The following VPS13D variants were observed in gnomAD, a reference collection of about 807,000 sequenced individuals.
VPS13D encodes the protein intermembrane lipid transfer protein VPS13D.
A neutral mutation model predicts 461.9 loss-of-function variants in VPS13D; 187 were observed. That is an observed-to-expected ratio of 0.40 (90% CI 0.36 to 0.46). VPS13D has a LOEUF of 0.46. Among genes scored for constraint, VPS13D ranks in the 20% least tolerant of loss-of-function variants. VPS13D has a pLI of 0.60. For synonymous variants in VPS13D, 1,951 were observed against 1,986.3 expected (o/e 0.98, Z 0.47); for missense variants, 4,711 against 5,364.9 (o/e 0.88, Z 3.81).
chr1:12,255,191 C>T (rs1382531695), intron 7 of VPS13D, among the ~76,000 whole-genome samples: 3 of 152,200 alleles, frequency 2.0e-5, no homozygotes, highest in Non-Finnish European at 4.4e-5. Flanking sequence ...GGTGATACAC[C>T]TGCCTCGGCT....
At chr1:12,292,749 T>TG (rs1253318817) in intron 23 of VPS13D, among the ~76,000 whole-genome samples, 2 of 151,858 alleles carry the variant, frequency 1.3e-5, no homozygotes, top group African/African-American at 2.4e-5. Flanking sequence ...AGTGTGTGTG[T>TG]TTTTTTTAAA....
intron 63 of VPS13D, among the ~76,000 whole-genome samples, chr1:12,404,843 C>T (rs1482771420): frequency 6.6e-6 from 1 of 152,048 alleles, no homozygotes; most frequent in African/African-American, 2.4e-5. Flanking sequence ...AAAGTCTTTC[C>T]TTAGTTTGAG....
At chr1:12,248,731 A>G (rs772748957) in intron 5 of VPS13D, among the ~76,000 whole-genome samples, 3 of 152,208 alleles carry the variant, frequency 2.0e-5, no homozygotes, top group African/African-American at 4.8e-5. Flanking sequence ...ATATATACAT[A>G]CATAGTTTAT....
intron 68 of VPS13D, among the ~76,000 whole-genome samples, chr1:12,499,217 G>A (rs950061257): frequency 2.0e-5 from 3 of 152,080 alleles, no homozygotes; most frequent in African/African-American, 7.2e-5. Context: ...GTGAGGCTGG[G>A]ATTTTTGCCT....
intron 65 of VPS13D, among the ~76,000 whole-genome samples, chr1:12,420,747 A>G (rs1054226608): frequency 3.3e-5 from 5 of 152,200 alleles, no homozygotes; most frequent in African/African-American, 1.2e-4. Context: ...CCTTTAAATA[A>G]TCTTTTCCTC....
At chr1:12,259,362 C>T (rs897268679) in intron 10 of VPS13D, among the ~76,000 whole-genome samples, 5 of 150,940 alleles carry the variant, frequency 3.3e-5, no homozygotes, top group Non-Finnish European at 5.9e-5. Flanking sequence ...GTCATCCACG[C>T]TGGAGTGCAG....
Position 12,314,108 on chromosome 1 carries a change from CTT to C in VPS13D, c.6936-4_6936-3del. ...ACATCTTGCTTGCTTTCTTTTCTCT[CTT>C]TTAGATTTGACTTCAAGAAATGCAA... On this transcript the variant is annotated splice_polypyrimidine_tract_variant and splice_region_variant and intron_variant, in intron 29 of 69. Transcript: ENST00000620676. 1 of 1,612,844 alleles carries C rather than the reference CTT, an allele frequency of 6.2e-7. No homozygotes were observed. The highest frequency in any genetic ancestry group is 1.7e-5 in the Admixed American group (1 of 60,000).
chr1:12,286,723 T>C (rs1001309805), intron 21 of VPS13D, among the ~76,000 whole-genome samples: 3 of 152,230 alleles, frequency 2.0e-5, no homozygotes, highest in African/African-American at 7.2e-5. Context: ...CTGATCATCA[T>C]CTGTTAGTGA....
chr1:12,389,082 T>C (rs2101659863), intron 60 of VPS13D, among the ~76,000 whole-genome samples: 1 of 152,320 alleles, frequency 6.6e-6, no homozygotes, highest in East Asian at 1.9e-4. Context: ...GTCCCAAAAC[T>C]GAAGAACTTG....
intron 67 of VPS13D, among the ~76,000 whole-genome samples, chr1:12,468,554 G>A (rs1459564616): frequency 6.6e-6 from 1 of 152,196 alleles, no homozygotes; most frequent in Non-Finnish European, 1.5e-5. Flanking sequence ...TGGCTCGGAA[G>A]CACTGAGGGA....
chr1:12,270,584 T>C (rs1641408978), intron 16 of VPS13D, among the ~76,000 whole-genome samples: 1 of 152,232 alleles, frequency 6.6e-6, no homozygotes. Context: ...TAAGAAATTC[T>C]AGTAACTTAG....
intron 21 of VPS13D, among the ~76,000 whole-genome samples, chr1:12,287,035 GTT>G (rs1641994192): frequency 6.6e-6 from 1 of 152,058 alleles, no homozygotes; most frequent in African/African-American, 2.4e-5. Flanking sequence ...TAGTTTTTCT[GTT>G]TTTAGTAGAG....
intron 67 of VPS13D, among the ~76,000 whole-genome samples, chr1:12,478,001 G>C (rs999449443): frequency 1.3e-5 from 2 of 152,186 alleles, no homozygotes; most frequent in African/African-American, 4.8e-5. Context: ...CTCAGCAGCT[G>C]TTTTATGGAA....
In VPS13D at chr1:12,335,929, C is replaced by T. The variant is rs1352614027; in HGVS notation, c.8551+102C>T. ...GGAACCATCATTCTGCGTGGAAAAA[C>T]CTACAGGAAATTCTGACTATCTTCT... On this transcript the variant is annotated intron_variant, in intron 39 of 69. Transcript: ENST00000620676. The T allele has an allele frequency of 1.9e-6, 3 of 1,541,642 alleles. No homozygotes were observed. The South Asian group carries it at 3.6e-5, about 18-fold the overall frequency.
chr1:12,273,020 G>C lies in VPS13D; in HGVS notation c.2121G>C (p.Trp707Cys). Reference protein sequence around the residue: ...VGDFIEESKRWTVRLDISAPQ... With the variant: ...VGDFIEESKRCTVRLDISAPQ... The stretch of plus-strand genomic sequence containing the variant: ...TTGTACAGGAGGAGAGTAAACGATG[G>C]ACCGTGCGGCTGGATATTTCTGCCC... The change falls in exon 18 of 70, where the codon TGG becomes TGC. Residue 707 changes from tryptophan (W) to cysteine (C), a missense_variant. Physicochemically the swap from Trp to Cys is radical, Grantham distance 215 (BLOSUM62 -2). Around this residue, in one of 3 missense-constraint regions of VPS13D, gnomAD observed 4,411 missense variants for 4,937.8 expected, o/e 0.89. Coordinates refer to ENST00000620676, the MANE Select transcript of VPS13D (RefSeq NM_015378.4). The C allele has an allele frequency of 6.2e-7, 1 of 1,614,030 alleles. No individual in the cohort carries two copies. The highest frequency in any genetic ancestry group is 1.3e-5 in the African/African-American group (1 of 75,022).
rs1441544724 is a variant in VPS13D at position 12,278,006 on chromosome 1, A to G, written c.4418A>G (p.His1473Arg). ...NSQEEAHFTR[H>R]DFFESLHRGQ... ...CAGGAGGAAGCTCATTTCACACGAC[A>G]TGATTTCTTTGAATCTTTGCATAGA... The change falls in exon 19 of 70, where the codon CAT becomes CGT. Residue 1473 changes from histidine (H) to arginine (R), a missense_variant. Physicochemically the swap from His to Arg is conservative, Grantham distance 29 (BLOSUM62 0). Around this residue, in one of 3 missense-constraint regions of VPS13D, gnomAD observed 4,411 missense variants for 4,937.8 expected, o/e 0.89. Coordinates refer to ENST00000620676, the MANE Select transcript of VPS13D (RefSeq NM_015378.4). 2.5e-6 allele frequency: 4 copies of G among 1,613,934 alleles called. No individual in the cohort carries two copies. Among genetic ancestry groups the G allele is most frequent in the African/African-American group, 2.7e-5 (2 of 75,038 alleles).
At chr1:12,258,137 A>G in intron 10 of VPS13D, 34 bp downstream of exon 10, 1 of 1,607,136 alleles carries the variant, frequency 6.2e-7, no homozygotes, top group Non-Finnish European at 8.5e-7. Flanking sequence ...TTCTTGTCTT[A>G]TTCAGAAGAT....
chr1:12,441,323 C>T (rs984323423), intron 65 of VPS13D, among the ~76,000 whole-genome samples: 10 of 152,126 alleles, frequency 6.6e-5, no homozygotes, highest in African/African-American at 1.7e-4. Context: ...CTATTGCACT[C>T]GAACTGTGTT....
chr1:12,241,951 G>C (rs909792163), intron 2 of VPS13D, among the ~76,000 whole-genome samples: 8 of 152,040 alleles, frequency 5.3e-5, no homozygotes, highest in African/African-American at 1.5e-4. Flanking sequence ...TTCATCCTAG[G>C]TGAGTCAGAT....
Sources: allele counts gnomAD v4.1 joint callset (sites outside exome capture counted in the v4.1 genomes callset), GRCh38; gene constraint gnomAD v4.1.1; regional missense constraint gnomAD v4.1.1; transcripts MANE v1.5; gene names NCBI Gene and HGNC (gene_info 2026-07-23, HGNC 2026-07-21).